PRH1: variants seen among roughly 807,000 people sequenced by gnomAD.
PRH1 encodes salivary acidic proline-rich phosphoprotein 1/2.
A neutral mutation model predicts 7.9 loss-of-function variants in PRH1; 7 were observed. That is an observed-to-expected ratio of 0.89 (90% CI 0.50 to 1.67). The LOEUF is 1.67. Ranked by LOEUF, PRH1 falls within the 40% of genes most tolerant of loss-of-function variation. The pLI is 0.00. For missense variants in PRH1, 109 were observed against 223.6 expected (o/e 0.49, Z 3.27); for synonymous variants, 45 against 80.8 (o/e 0.56, Z 2.38).
At chr12:11,163,997 G>C (rs756421388) in intron 1 of PRH1, among the ~76,000 whole-genome samples, 9 of 152,132 alleles carry the variant, frequency 5.9e-5, no homozygotes, top group Non-Finnish European at 1.2e-4. Context: ...CAAGCATAAG[G>C]GTTGGATAGC....
chr12:10,913,879 T>C (rs1465615929), intron 2 of PRH1, among the ~76,000 whole-genome samples: 5 of 152,182 alleles, frequency 3.3e-5, no homozygotes, highest in Non-Finnish European at 7.4e-5. Context: ...GCACAGGACA[T>C]GTAACAGAAA....
At chr12:10,946,207 T>G (rs112405113) in intron 2 of PRH1, among the ~76,000 whole-genome samples, 8,451 of 152,260 alleles carry the variant, frequency 0.056, 757 homozygotes, top group African/African-American at 0.19. Context: ...CCATGAAATC[T>G]TCACAATTTA....
In PRH1 at chr12:11,087,364, G is replaced by A. The variant is rs181396804; in HGVS notation, n.124-40176C>T. On this transcript the variant is annotated intron_variant and non_coding_transcript_variant, in intron 1 of 4. Transcript: ENST00000541977. The stretch of plus-strand genomic sequence containing the variant: ...CCACCTTGGCCTCCCAAAGTAGTAG[G>A]ACTACAGGCATGAGCCATGACATCC... Among the ~76,000 whole-genome samples the A allele has an allele frequency of 8.5e-5, 10 of 117,452 alleles. 4 individuals are homozygous for A. Among genetic ancestry groups the A allele is most frequent in the Admixed American group, 2.5e-4 (3 of 11,854 alleles). 77.1% of individuals were successfully genotyped at this position (117,452 alleles called of 152,430 possible).
chr12:11,028,985 T>C (rs1942048805), intron 1 of PRH1, among the ~76,000 whole-genome samples: 1 of 152,298 alleles, frequency 6.6e-6, no homozygotes, highest in Non-Finnish European at 1.5e-5. Context: ...CACCCATTTA[T>C]TTGTTCATTA....
At position 11,139,694 on chromosome 12, in the gene PRH1, G is replaced by A. The variant is rs191096475; in HGVS notation, n.40-18514C>T. Among the ~76,000 whole-genome samples, 4 of 152,260 alleles carry A rather than the reference G, an allele frequency of 2.6e-5. No homozygotes were observed. In the East Asian group the frequency reaches 7.7e-4, roughly 29 times the overall value. ...TGTTTATCCATTTGGAGGACTGACA[G>A]ACATTCCAAGTACTTCTCAACTTTA... On this transcript the variant is annotated intron_variant and non_coding_transcript_variant, in intron 1 of 1. Transcript: ENST00000541175.
chr12:11,055,507 G>GAA (rs1943328290), intron 1 of PRH1, among the ~76,000 whole-genome samples: 1 of 152,226 alleles, frequency 6.6e-6, no homozygotes, highest in Admixed American at 6.5e-5. Context: ...GGAACGCACC[G>GAA]GGCCATGCTA....
At chr12:10,994,491 T>C (rs977429302) in intron 1 of PRH1, among the ~76,000 whole-genome samples, 2 of 152,190 alleles carry the variant, frequency 1.3e-5, no homozygotes, top group Non-Finnish European at 2.9e-5. Flanking sequence ...TCTCACATCA[T>C]TGTGAAGTGG....
chr12:10,936,457 A>T (rs562196244), intron 2 of PRH1, among the ~76,000 whole-genome samples: 1 of 152,118 alleles, frequency 6.6e-6, no homozygotes, highest in Non-Finnish European at 1.5e-5. Context: ...CAATTTCATG[A>T]GTGTCTCACC....
chr12:10,944,148 G>C (rs1950447969), intron 2 of PRH1, among the ~76,000 whole-genome samples: 1 of 152,100 alleles, frequency 6.6e-6, no homozygotes, highest in South Asian at 2.1e-4. Context: ...GAATAACATT[G>C]AATCTGTACA....
At chr12:11,075,966 A>C (rs112029528) in intron 1 of PRH1, among the ~76,000 whole-genome samples, 3,076 of 47,348 alleles carry the variant, frequency 0.065, 140 homozygotes, top group Non-Finnish European at 0.11. Flanking sequence ...AGCAAGACAG[A>C]TATGACCTCT....
At chr12:10,909,844 A>G (rs531437252) in intron 2 of PRH1, among the ~76,000 whole-genome samples, 3 of 152,168 alleles carry the variant, frequency 2.0e-5, no homozygotes, top group African/African-American at 7.2e-5. Context: ...TTTCTTGTGG[A>G]GCTAAAGCTG....
At chr12:11,146,089 A>G (rs982688585) in intron 1 of PRH1, among the ~76,000 whole-genome samples, 1 of 152,064 alleles carries the variant, frequency 6.6e-6, no homozygotes, top group Admixed American at 6.5e-5. Flanking sequence ...ATATCCTACT[A>G]TATGCTTCTA....
At chr12:11,064,346 C>A (rs1236358905) in intron 1 of PRH1, among the ~76,000 whole-genome samples, 1 of 152,090 alleles carries the variant, frequency 6.6e-6, no homozygotes, top group Admixed American at 6.6e-5. Flanking sequence ...GTTGCAAGTA[C>A]ATGTGATTTT....
intron 1 of PRH1, among the ~76,000 whole-genome samples, chr12:11,147,411 C>A (rs936520931): frequency 6.6e-6 from 1 of 152,174 alleles, no homozygotes; most frequent in Non-Finnish European, 1.5e-5. Flanking sequence ...TGGTCTCGAG[C>A]CCCTGGACTC....
At chr12:11,164,355 C>T (rs1230406889) in intron 1 of PRH1, among the ~76,000 whole-genome samples, 2 of 152,162 alleles carry the variant, frequency 1.3e-5, no homozygotes, top group African/African-American at 4.8e-5. Flanking sequence ...GATTCTCAGG[C>T]CTTTGGCCTC....
chr12:11,139,470 T>C (rs376699182), intron 1 of PRH1, among the ~76,000 whole-genome samples: 1 of 152,356 alleles, frequency 6.6e-6, no homozygotes, highest in East Asian at 1.9e-4. Context: ...TAAAAATTTT[T>C]TTTCCAAACT....
At chr12:11,105,425 T>C (rs1464563807) in intron 1 of PRH1, among the ~76,000 whole-genome samples, 1 of 152,214 alleles carries the variant, frequency 6.6e-6, no homozygotes, top group Non-Finnish European at 1.5e-5. Flanking sequence ...TGTTCCTTTT[T>C]AAATTCTGTG....
At chr12:10,997,300 C>A in intron 1 of PRH1, 1 of 1,614,106 alleles carries the variant, frequency 6.2e-7, no homozygotes, top group Non-Finnish European at 8.5e-7. Flanking sequence ...GAAAAGATAT[C>A]AGGGTCAGAG....
At chr12:11,164,656 T>C (rs1246996893) in intron 1 of PRH1, among the ~76,000 whole-genome samples, 44 of 152,112 alleles carry the variant, frequency 2.9e-4, no homozygotes, top group Admixed American at 2.9e-3. Flanking sequence ...CTAATGTTTG[T>C]ATAGTGTCTA....
Sources: allele counts gnomAD v4.1 joint callset (sites outside exome capture counted in the v4.1 genomes callset), GRCh38; gene constraint gnomAD v4.1.1; transcripts MANE v1.5; gene names NCBI Gene and HGNC (gene_info 2026-07-23, HGNC 2026-07-21).